GPC6: variants seen among roughly 807,000 people sequenced by gnomAD.
GPC6 encodes glypican-6.
Under a neutral mutation model 55.2 loss-of-function variants are expected in GPC6, and 14 were observed. The observed-to-expected ratio is 0.25, with a 90% confidence interval of 0.17 to 0.40. The LOEUF (loss-of-function observed/expected upper bound fraction) is 0.40, where lower values mean the gene tolerates loss of function less well. Ranked by LOEUF, GPC6 falls within the 10% of genes least tolerant of loss-of-function variation. The pLI, the probability that GPC6 is intolerant of heterozygous loss-of-function variation, is 1.00. For missense variants in GPC6, 641 were observed against 708.5 expected (o/e 0.90, Z 1.08); for synonymous variants, 278 against 259.6 (o/e 1.07, Z -0.68).
chr13:93,494,027 T>A (rs1327727153), intron 1 of GPC6, among the ~76,000 whole-genome samples: 3 of 128,860 alleles, frequency 2.3e-5, no homozygotes, highest in African/African-American at 8.7e-5. Flanking sequence ...GTTCTGTAGA[T>A]GTCTATTAGG....
chr13:93,915,631 A>T (rs145667409), intron 3 of GPC6, among the ~76,000 whole-genome samples: 41 of 152,306 alleles, frequency 2.7e-4, no homozygotes, highest in African/African-American at 9.1e-4. Context: ...TATTCTGAGC[A>T]ACCAGCTGGA....
At chr13:94,128,666 G>A (rs1886905961) in intron 4 of GPC6, among the ~76,000 whole-genome samples, 1 of 152,082 alleles carries the variant, frequency 6.6e-6, no homozygotes, top group Admixed American at 6.6e-5. Context: ...AATTTACTTG[G>A]CCCTATCTAA....
chr13:93,232,792 C>T (rs897256668), intron 1 of GPC6, among the ~76,000 whole-genome samples: 2 of 151,990 alleles, frequency 1.3e-5, no homozygotes, highest in Non-Finnish European at 2.9e-5. Flanking sequence ...GTAGTTCTAA[C>T]CTAAAATGAC....
intron 6 of GPC6, among the ~76,000 whole-genome samples, chr13:94,360,898 A>G: frequency 6.6e-6 from 1 of 152,172 alleles, no homozygotes; most frequent in East Asian, 1.9e-4. Flanking sequence ...TATGTGATCA[A>G]GGCCAAGAGA....
Position 94,403,732 on chromosome 13 carries a change from T to TA in GPC6, c.*520dup, listed in dbSNP as rs1291616289. On this transcript the variant is annotated 3_prime_UTR_variant, in exon 9 of 9. Transcript: ENST00000377047. The stretch of plus-strand genomic sequence containing the variant: ...AGCTTTTTTGTGACAAATCCGGGTT[T>TA]AAAAATGCTTATGGGGAGAAAGCTT... 1 of 194,524 alleles carries TA rather than the reference T, an allele frequency of 5.1e-6. No homozygotes were observed. Among genetic ancestry groups the TA allele is most frequent in the Non-Finnish European group, 1.1e-5 (1 of 93,636 alleles). The allele number at this position is 194,524 out of a possible 1,614,324, so 12.0% of individuals were successfully genotyped here. A position where few individuals can be genotyped will look rare whatever the true frequency, so the allele number is the denominator to read the frequency against.
At chr13:93,895,068 A>G (rs1466960464) in intron 3 of GPC6, among the ~76,000 whole-genome samples, 2 of 150,222 alleles carry the variant, frequency 1.3e-5, no homozygotes, top group Non-Finnish European at 3.0e-5. Context: ...GCAAATATAT[A>G]TATTTTCACC....
At chr13:93,276,035 C>T (rs1021384197) in intron 1 of GPC6, among the ~76,000 whole-genome samples, 8 of 151,994 alleles carry the variant, frequency 5.3e-5, no homozygotes, top group African/African-American at 1.4e-4. Context: ...CCACCATGCC[C>T]GGCTAATTTT....
At chr13:93,400,763 A>G (rs1876041867) in intron 1 of GPC6, among the ~76,000 whole-genome samples, 1 of 152,208 alleles carries the variant, frequency 6.6e-6, no homozygotes. Flanking sequence ...CTAAAGAAAG[A>G]AATAATTGCA....
rs1349281496 is a variant in GPC6, at chr13:93,845,771, G to A, written c.711+15226G>A. Among the ~76,000 whole-genome samples, 8 of 147,616 alleles carry A rather than the reference G, an allele frequency of 5.4e-5. No homozygotes were observed. The East Asian group carries it at 1.5e-3, about 27-fold the overall frequency. Reference sequence around the variant, plus strand: ...CACCGTATATTCTCACTCATAGGTGGGAATTGAACAATGAGATCACGTGGA... The same window carrying A: ...CACCGTATATTCTCACTCATAGGTGAGAATTGAACAATGAGATCACGTGGA... On this transcript the variant is annotated intron_variant, in intron 3 of 8. Transcript: ENST00000377047.
intron 2 of GPC6, among the ~76,000 whole-genome samples, chr13:93,733,768 G>A (rs1473166284): frequency 2.0e-5 from 3 of 152,108 alleles, no homozygotes; most frequent in African/African-American, 4.8e-5. Context: ...AGAAACACAC[G>A]AGGACGATGC....
chr13:94,302,400 G>C (rs1417025514), intron 5 of GPC6, among the ~76,000 whole-genome samples: 1 of 152,126 alleles, frequency 6.6e-6, no homozygotes, highest in African/African-American at 2.4e-5. Flanking sequence ...CTTGAGGGTA[G>C]AGCCTAATCA....
At chr13:94,364,141 G>A (rs938066594) in intron 6 of GPC6, among the ~76,000 whole-genome samples, 3 of 152,010 alleles carry the variant, frequency 2.0e-5, no homozygotes, top group East Asian at 3.9e-4. Flanking sequence ...TTGCTTCTTC[G>A]AACAGGATGG....
chr13:94,014,731 C>T (rs569157611), intron 3 of GPC6, among the ~76,000 whole-genome samples: 102 of 152,268 alleles, frequency 6.7e-4, no homozygotes, highest in Non-Finnish European at 9.6e-4. Flanking sequence ...CACTAATCTA[C>T]TTTCTGTCTC....
chr13:93,306,600 C>T (rs1030740186), intron 1 of GPC6, among the ~76,000 whole-genome samples: 10 of 151,946 alleles, frequency 6.6e-5, no homozygotes, highest in African/African-American at 2.4e-4. Context: ...TCTCATGTAA[C>T]TGATTGATCT....
At position 94,087,341 on chromosome 13, in the gene GPC6, AT is replaced by A. The variant is rs67584489; in HGVS notation, c.877+59449del. Among the ~76,000 whole-genome samples the A allele has an allele frequency of 5.0e-3, 759 of 152,348 alleles. 11 individuals carry two copies. The highest frequency in any genetic ancestry group is 0.017 in the African/African-American group (718 of 41,580). The stretch of plus-strand genomic sequence containing the variant: ...GGACATGTAAAACAAGGCCAGGGTG[AT>A]TAAGTCACCTCTAAGGTGTAAAATG... On this transcript the variant is annotated intron_variant, in intron 4 of 8. Coordinates refer to ENST00000377047, the MANE Select transcript of GPC6 (RefSeq NM_005708.5).
chr13:93,508,941 T>C (rs1226477183), intron 1 of GPC6, among the ~76,000 whole-genome samples: 2 of 152,120 alleles, frequency 1.3e-5, no homozygotes, highest in Admixed American at 6.5e-5. Flanking sequence ...TTGCTAATGG[T>C]TGGAAGCCCC....
chr13:94,036,847 A>C (rs917095846), intron 4 of GPC6, among the ~76,000 whole-genome samples: 1 of 152,046 alleles, frequency 6.6e-6, no homozygotes, highest in African/African-American at 2.4e-5. Flanking sequence ...CTTCAGGAGG[A>C]GGGTATTCTC....
chr13:94,032,285 G>A (rs1052196649), intron 4 of GPC6, among the ~76,000 whole-genome samples: 5 of 152,154 alleles, frequency 3.3e-5, no homozygotes, highest in Non-Finnish European at 7.3e-5. Flanking sequence ...AACAAACTAT[G>A]ACAAAGTGTT....
chr13:93,607,803 T>C (rs1242261298), intron 2 of GPC6, among the ~76,000 whole-genome samples: 2 of 152,162 alleles, frequency 1.3e-5, no homozygotes. Context: ...ATTATGGGCA[T>C]GTGCTCCATC....
Sources: allele counts gnomAD v4.1 joint callset (sites outside exome capture counted in the v4.1 genomes callset), GRCh38; gene constraint gnomAD v4.1.1; transcripts MANE v1.5; gene names NCBI Gene and HGNC (gene_info 2026-07-23, HGNC 2026-07-21).